ZSCAN4: variants seen among roughly 807,000 people sequenced by gnomAD.
ZSCAN4 encodes zinc finger and SCAN domain containing 4.
ZSCAN4 carries 18 observed loss-of-function variants against 18.3 expected under a neutral mutation model. The ratio of observed to expected loss-of-function variants is 0.98; its 90% CI spans 0.68 to 1.46. The LOEUF is 1.46. Among genes scored for constraint, ZSCAN4 ranks in the 40% most tolerant of loss-of-function variants. The pLI is 0.00. For missense variants in ZSCAN4, 498 were observed against 511.4 expected, an observed-to-expected ratio of 0.97 and a Z score of 0.25; for synonymous variants, 193 against 180.3, an observed-to-expected ratio of 1.07 and a Z score of -0.57.
At chr19:57,676,681 A>C in intron 3 of ZSCAN4, 140 bp downstream of exon 3, 24 of 1,000,850 alleles carry the variant, frequency 2.4e-5, no homozygotes, top group Non-Finnish European at 2.9e-5. Context: ...CACCATTCTC[A>C]CAAAGAATAA....
chr19:57,670,705 C>T (rs1303977455), intron 2 of ZSCAN4, 138 bp downstream of exon 2: 1 of 152,128 alleles, frequency 6.6e-6, no homozygotes, highest in Non-Finnish European at 1.5e-5. Flanking sequence ...AGGAAAATTC[C>T]TAACTACAGA....
intron 2 of ZSCAN4, among the ~76,000 whole-genome samples, chr19:57,673,964 G>C (rs1984102426): frequency 6.6e-6 from 1 of 152,120 alleles, no homozygotes; most frequent in Non-Finnish European, 1.5e-5. Flanking sequence ...ATGTTGGCAA[G>C]GCTGGTCTTG....
chr19:57,664,756 TGGAATCCCTGGTCCACAAAC>T (rs946030943), upstream of ZSCAN4: 8 of 220,440 alleles, frequency 3.6e-5, no homozygotes, highest in Admixed American at 2.1e-4. Context: ...CTTAAACAGA[TGGAATCCCTGGTCCACAAAC>T]GTACCCTGTG....
the ZSCAN4 span, among the ~76,000 whole-genome samples, chr19:57,656,667 A>G: frequency 2.0e-5 from 3 of 152,264 alleles, no homozygotes; most frequent in Non-Finnish European, 2.9e-5. Flanking sequence ...GAAAGGGCCA[A>G]CTACAGCCTG....
intron 2 of ZSCAN4, among the ~76,000 whole-genome samples, chr19:57,673,850 T>A (rs531804701): frequency 1.2e-4 from 19 of 152,240 alleles, no homozygotes; most frequent in African/African-American, 4.1e-4. Flanking sequence ...GCTTCCCAAG[T>A]TCAACCCATT....
intron 2 of ZSCAN4, among the ~76,000 whole-genome samples, chr19:57,670,933 T>C (rs1182091585): frequency 1.3e-5 from 2 of 151,324 alleles, no homozygotes; most frequent in African/African-American, 2.4e-5. Flanking sequence ...CAATCACAGC[T>C]CACTGCAGCT....
intron 2 of ZSCAN4, among the ~76,000 whole-genome samples, chr19:57,675,641 A>T (rs1212441290): frequency 6.6e-6 from 1 of 152,190 alleles, no homozygotes; most frequent in South Asian, 2.1e-4. Flanking sequence ...AAACATTGGC[A>T]TTTAAACATT....
chr19:57,676,870 C>A (rs1351628727), intron 3 of ZSCAN4, among the ~76,000 whole-genome samples: 1 of 152,150 alleles, frequency 6.6e-6, no homozygotes, highest in Non-Finnish European at 1.5e-5. Context: ...CCTATGCCTC[C>A]CAGGCACAAG....
intron 2 of ZSCAN4, among the ~76,000 whole-genome samples, chr19:57,671,489 T>G (rs1984020670): frequency 8.2e-6 from 1 of 121,310 alleles, no homozygotes; most frequent in African/African-American, 2.9e-5. Flanking sequence ...AGCCATGGGT[T>G]CCACAGGAAA....
At chr19:57,661,348 A>G in the ZSCAN4 span, among the ~76,000 whole-genome samples, 1 of 151,992 alleles carries the variant, frequency 6.6e-6, no homozygotes, top group Non-Finnish European at 1.5e-5. Context: ...ATCTCCCTTA[A>G]CTCACCTCTG....
the ZSCAN4 span, among the ~76,000 whole-genome samples, chr19:57,658,533 C>T: frequency 6.6e-6 from 1 of 152,134 alleles, no homozygotes; most frequent in Non-Finnish European, 1.5e-5. Context: ...ATTCACGGCT[C>T]AAGAAGTAAT....
At chr19:57,675,779 T>A (rs1184074267) in intron 2 of ZSCAN4, among the ~76,000 whole-genome samples, 1 of 152,242 alleles carries the variant, frequency 6.6e-6, no homozygotes, top group South Asian at 2.1e-4. Flanking sequence ...CCATTTGCGA[T>A]GTATATGTGA....
At chr19:57,658,336 C>T in the ZSCAN4 span, among the ~76,000 whole-genome samples, 2 of 152,028 alleles carry the variant, frequency 1.3e-5, no homozygotes, top group Non-Finnish European at 2.9e-5. Context: ...GAGGAAGGGG[C>T]GGACTGCAAA....
intron 2 of ZSCAN4, 61 bp downstream of exon 2, chr19:57,670,628 T>G (rs1983990190): frequency 6.6e-6 from 1 of 152,178 alleles, no homozygotes. Context: ...TTTTGTGTCT[T>G]TGAGTGTGTA....
At chr19:57,666,368 T>G (rs1983848176), upstream of ZSCAN4, among the ~76,000 whole-genome samples, 1 of 152,092 alleles carries the variant, frequency 6.6e-6, no homozygotes, top group Admixed American at 6.5e-5. Flanking sequence ...GTTGTAGCTT[T>G]TAGCTAATGG....
chr19:57,652,566 A>C, the ZSCAN4 span, among the ~76,000 whole-genome samples: 1 of 150,874 alleles, frequency 6.6e-6, no homozygotes, highest in Admixed American at 6.6e-5. Flanking sequence ...TCACCACCAT[A>C]TCCTCCTCCT....
the ZSCAN4 span, among the ~76,000 whole-genome samples, chr19:57,660,859 C>T: frequency 1.3e-5 from 2 of 152,184 alleles, no homozygotes; most frequent in Admixed American, 1.3e-4. Flanking sequence ...GCATTTTTAC[C>T]TCCCCTGGCC....
intron 2 of ZSCAN4, among the ~76,000 whole-genome samples, chr19:57,672,664 G>A (rs567210658): frequency 1.7e-4 from 25 of 149,580 alleles, no homozygotes; most frequent in South Asian, 1.0e-3. Flanking sequence ...GTACAGTGGC[G>A]TAATCTCAGT....
chr19:57,678,615 AG>A lies in ZSCAN4; in HGVS notation c.1014del (p.Arg338SerfsTer23). 6.2e-7 allele frequency: 1 copy of A among 1,614,064 alleles called. No individual in the cohort carries two copies. The highest frequency in any genetic ancestry group is 1.1e-5 in the South Asian group (1 of 91,088). On this transcript the variant is annotated frameshift_variant, in exon 5 of 5. Coordinates refer to ENST00000318203, the Ensembl canonical transcript of ZSCAN4. LOFTEE classifies it low-confidence loss of function (END_TRUNC). Reference sequence around the variant, plus strand: ...TCACCAGAGAAGACACAGGAATGAGAGGCCATTTGTTTGTCCCGAGTGTCAA... The same window carrying A: ...TCACCAGAGAAGACACAGGAATGAGAGCCATTTGTTTGTCCCGAGTGTCAA...
Sources: allele counts gnomAD v4.1 joint callset (sites outside exome capture counted in the v4.1 genomes callset), GRCh38; gene constraint gnomAD v4.1.1; transcripts MANE v1.5; gene names NCBI Gene and HGNC (gene_info 2026-07-23, HGNC 2026-07-21).